Variants in DLGAP2 observed in about 807,000 individuals in gnomAD.
DLGAP2 encodes the protein DLG associated protein 2, also known as disks large-associated protein 2.
Under a neutral mutation model 100.3 loss-of-function variants are expected in DLGAP2, and 26 were observed. The observed-to-expected ratio is 0.26, with a 90% CI of 0.19 to 0.36. The LOEUF is 0.36. Ranked by LOEUF, DLGAP2 falls within the 10% of genes least tolerant of loss-of-function variation. DLGAP2 has a pLI of 1.00. For synonymous variants in DLGAP2, 886 were observed against 630.1 expected (o/e 1.41, Z -6.08); for missense variants, 1,858 against 1,453.2 (o/e 1.28, Z -4.53).
At chr8:1,110,231 G>A (rs530577793) in intron 2 of DLGAP2, among the ~76,000 whole-genome samples, 4,334 of 61,040 alleles carry the variant, frequency 0.071, 313 homozygotes, top group African/African-American at 0.2. Flanking sequence ...GGTCTGTGAC[G>A]TGTGCTGGAT....
intron 1 of DLGAP2, among the ~76,000 whole-genome samples, chr8:905,456 C>G (rs972814618): frequency 1.3e-5 from 2 of 152,154 alleles, no homozygotes; most frequent in South Asian, 2.1e-4. Context: ...CGATTCCCCC[C>G]CCACAGCCCT....
At chr8:1,609,482 C>T (rs1441392031) in intron 6 of DLGAP2, among the ~76,000 whole-genome samples, 6 of 137,178 alleles carry the variant, frequency 4.4e-5, no homozygotes, top group African/African-American at 1.5e-4. Context: ...ACTGCATCAA[C>T]TAACGAGCAA....
chr8:1,030,829 G>A (rs540082567), intron 2 of DLGAP2, among the ~76,000 whole-genome samples: 3 of 152,272 alleles, frequency 2.0e-5, no homozygotes, highest in South Asian at 2.1e-4. Context: ...CAGCGGGGCC[G>A]CGGGCGGGAC....
intron 3 of DLGAP2, among the ~76,000 whole-genome samples, chr8:1,281,558 G>T (rs184134816): frequency 7.1e-4 from 108 of 152,320 alleles, no homozygotes; most frequent in African/African-American, 2.5e-3. Context: ...CAGCATTAAA[G>T]ACATGAGCGG....
intron 1 of DLGAP2, among the ~76,000 whole-genome samples, chr8:816,961 A>G (rs1796492127): frequency 6.6e-6 from 1 of 152,272 alleles, no homozygotes; most frequent in Non-Finnish European, 1.5e-5. Flanking sequence ...TAACACGGTG[A>G]AACCCTGTCT....
chr8:1,701,055 G>A (rs1799551870), intron 14 of DLGAP2, 133 bp from the exon 15 acceptor site: 1 of 769,982 alleles, frequency 1.3e-6, no homozygotes, highest in Admixed American at 3.0e-5. Context: ...GCAGACGGGG[G>A]ACGGGAGTGA....
rs754587007 is a variant in DLGAP2, at chr8:1,549,245, C to G, written c.792C>G (p.Asp264Glu). The G allele has an allele frequency of 1.6e-5, 26 of 1,608,150 alleles. No individual in the cohort carries two copies. The highest frequency in any genetic ancestry group is 2.1e-5 in the Non-Finnish European group (25 of 1,178,156). ...GCACCAAGGCGGACGGCCGGGCGGA[C>G]GACCACCACCACGCCCACCACGCCA... ...ANGTKADGRA[D>E]DHHHAHHAKH... is the part of the protein sequence containing the mutation. Residue 264 changes from aspartate to glutamate, a missense_variant, in exon 5 of 15, where the codon GAC becomes GAG. Asp to Glu is a conservative substitution (Grantham distance 45). Transcript: ENST00000637795.
Position 917,814 on chromosome 8 carries a change from C to A in DLGAP2, c.73+9848C>A, listed in dbSNP as rs78781962. Among the ~76,000 whole-genome samples the A allele has an allele frequency of 3.4e-4, 52 of 151,840 alleles. No individual in the cohort carries two copies. In the East Asian group the frequency reaches 9.9e-3, roughly 29 times the overall value. On this transcript the variant is annotated intron_variant, in intron 2 of 14. Transcript: ENST00000637795. ...CAGGATGGTCTCAATCTCCTGACCTCGGGATCCGCCTGCCTCGGCCTCCTA... is the reference window on the plus strand; with the variant it reads ...CAGGATGGTCTCAATCTCCTGACCTAGGGATCCGCCTGCCTCGGCCTCCTA...
intron 3 of DLGAP2, among the ~76,000 whole-genome samples, chr8:1,318,775 T>G (rs1800825585): frequency 1.5e-5 from 1 of 65,234 alleles, no homozygotes; most frequent in African/African-American, 8.0e-5. Flanking sequence ...TTGTCAGTGA[T>G]CAGCCCCCCC....
intron 3 of DLGAP2, among the ~76,000 whole-genome samples, chr8:1,286,681 G>C (rs1480120893): frequency 1.3e-5 from 2 of 152,144 alleles, no homozygotes; most frequent in Non-Finnish European, 2.9e-5. Flanking sequence ...GTCCCTATGA[G>C]AACAGTAACA....
At position 863,173 on chromosome 8, in the gene DLGAP2, G is replaced by C. The variant is rs944365105; in HGVS notation, c.19-44739G>C. On this transcript the variant is annotated intron_variant, in intron 1 of 14. Coordinates refer to ENST00000637795, the MANE Select transcript of DLGAP2 (RefSeq NM_001346810.2). ...GCCAAGGAGGTTCAGAGACACAGTG[G>C]TTAAGGGACCAGCCTATTTTGTGGA... Among the ~76,000 whole-genome samples, 33 of 152,286 alleles carry C rather than the reference G, an allele frequency of 2.2e-4. 1 individual carries two copies. The highest frequency in any genetic ancestry group is 7.4e-5 in the Non-Finnish European group (5 of 68,022).
At chr8:1,295,200 G>A (rs914400238) in intron 3 of DLGAP2, among the ~76,000 whole-genome samples, 1 of 152,206 alleles carries the variant, frequency 6.6e-6, no homozygotes, top group African/African-American at 2.4e-5. Flanking sequence ...GGCGGCAAGA[G>A]TGAGTGCCAA....
intron 4 of DLGAP2, among the ~76,000 whole-genome samples, chr8:1,524,156 G>A (rs1186746455): frequency 6.6e-6 from 1 of 152,142 alleles, no homozygotes; most frequent in Non-Finnish European, 1.5e-5. Context: ...GACCAGAGTG[G>A]GCTTTTAAAG....
chr8:1,275,318 A>G (rs1332695782), intron 3 of DLGAP2, among the ~76,000 whole-genome samples: 1 of 151,944 alleles, frequency 6.6e-6, no homozygotes. Context: ...CAGAGCAGAT[A>G]GAACCAGGTA....
chr8:903,284 T>G (rs909283896), intron 1 of DLGAP2, among the ~76,000 whole-genome samples: 1 of 152,058 alleles, frequency 6.6e-6, no homozygotes, highest in African/African-American at 2.4e-5. Context: ...GGTTTGGCTG[T>G]AGGATAAGCG....
At chr8:844,073 A>T (rs1248895177) in intron 1 of DLGAP2, among the ~76,000 whole-genome samples, 3 of 152,116 alleles carry the variant, frequency 2.0e-5, no homozygotes, top group Admixed American at 2.0e-4. Context: ...TGCTCTACTA[A>T]TTTTTTTCAT....
At chr8:1,030,990 G>A (rs1801955568) in intron 2 of DLGAP2, among the ~76,000 whole-genome samples, 1 of 152,216 alleles carries the variant, frequency 6.6e-6, no homozygotes, top group African/African-American at 2.4e-5. Flanking sequence ...TGTTTTCATT[G>A]TATTTAGAAA....
intron 2 of DLGAP2, among the ~76,000 whole-genome samples, chr8:915,381 A>G (rs1282895719): frequency 6.6e-6 from 1 of 152,140 alleles, no homozygotes; most frequent in Non-Finnish European, 1.5e-5. Context: ...CCCGGTCTCT[A>G]CTAAAAATAC....
At chr8:1,302,920 C>G (rs1041928853) in intron 3 of DLGAP2, among the ~76,000 whole-genome samples, 1 of 152,238 alleles carries the variant, frequency 6.6e-6, no homozygotes, top group African/African-American at 2.4e-5. Context: ...TTCTGCCGTG[C>G]TTTTGGTAGA....
Sources: gnomAD v4.1 joint callset for allele counts (sites outside exome capture counted in the v4.1 genomes callset) on GRCh38, gnomAD v4.1.1 for gene constraint, MANE v1.5 for transcripts, NCBI Gene and HGNC (gene_info 2026-07-23, HGNC 2026-07-21) for gene names.